Variants in PRICKLE1 observed in about 807,000 individuals in gnomAD.
PRICKLE1 encodes prickle-like protein 1.
Under a neutral mutation model 70.2 loss-of-function variants are expected in PRICKLE1, and 14 were observed. The observed-to-expected ratio is 0.20, with a 90% CI of 0.13 to 0.31. The LOEUF (loss-of-function observed/expected upper bound fraction) is 0.31, where lower values mean the gene tolerates loss of function less well. Ranked by LOEUF, PRICKLE1 falls within the 10% of genes least tolerant of loss-of-function variation. PRICKLE1 has a pLI of 1.00. For synonymous variants in PRICKLE1, 357 were observed against 379.9 expected, an observed-to-expected ratio of 0.94 and a Z score of 0.70; for missense variants, 821 against 1,026.2, an observed-to-expected ratio of 0.80 and a Z score of 2.73.
intron 1 of PRICKLE1, among the ~76,000 whole-genome samples, chr12:42,563,477 A>G (rs968986466): frequency 1.3e-5 from 2 of 151,754 alleles, no homozygotes; most frequent in Admixed American, 6.6e-5. Context: ...AGGCGGGCAG[A>G]CCACGAGATC....
At chr12:42,551,687 C>T (rs1334320802) in intron 1 of PRICKLE1, among the ~76,000 whole-genome samples, 1 of 152,178 alleles carries the variant, frequency 6.6e-6, no homozygotes, top group Non-Finnish European at 1.5e-5. Context: ...CTGGTTTCTT[C>T]TCCCTGTGTG....
intron 1 of PRICKLE1, among the ~76,000 whole-genome samples, chr12:42,542,084 C>T (rs1265083913): frequency 2.0e-5 from 3 of 152,058 alleles, no homozygotes; most frequent in Non-Finnish European, 4.4e-5. Context: ...GATGGCTTGC[C>T]CAGGAAATTT....
intron 1 of PRICKLE1, among the ~76,000 whole-genome samples, chr12:42,513,839 T>C (rs1032905044): frequency 3.9e-5 from 6 of 151,984 alleles, no homozygotes; most frequent in African/African-American, 7.2e-5. Flanking sequence ...CTACTAAAAA[T>C]ACAAAAAATT....
In PRICKLE1 at chr12:42,464,382, C is replaced by T. The variant is rs532348809; in HGVS notation, c.1639+13G>A. 6.2e-7 allele frequency: 1 copy of T among 1,614,094 alleles called. No individual in the cohort carries two copies. Among genetic ancestry groups the T allele is most frequent in the South Asian group, 1.1e-5 (1 of 91,054 alleles). On this transcript the variant is annotated intron_variant, in intron 7 of 7. Coordinates refer to ENST00000345127, the MANE Select transcript of PRICKLE1 (RefSeq NM_153026.3). The surrounding 1 kb of genome is among the most constrained non-coding windows in gnomAD (Gnocchi z 4.2). ...CCTTTTTTCAAATACCCCATAATCC[C>T]TAGATTACGTACCTGTGATATTGGA...
intron 1 of PRICKLE1, among the ~76,000 whole-genome samples, chr12:42,514,830 T>C (rs1171192074): frequency 2.0e-5 from 3 of 152,160 alleles, no homozygotes; most frequent in Non-Finnish European, 4.4e-5. Context: ...TTAGTATTTA[T>C]CTCCATTTCT....
chr12:42,462,893 T>G (rs191383366), intron 7 of PRICKLE1, among the ~76,000 whole-genome samples: 423 of 152,364 alleles, frequency 2.8e-3, no homozygotes, highest in Non-Finnish European at 5.4e-3. Flanking sequence ...TTAGAACCTA[T>G]GTAATGTTTG....
At chr12:42,553,100 CT>C (rs1940349270) in intron 1 of PRICKLE1, among the ~76,000 whole-genome samples, 1 of 152,088 alleles carries the variant, frequency 6.6e-6, no homozygotes, top group African/African-American at 2.4e-5. Context: ...GTGGGGACCC[CT>C]GTCTTAGAAT....
intron 1 of PRICKLE1, chr12:42,484,011 T>C (rs1938913588): frequency 4.8e-5 from 1 of 20,862 alleles, no homozygotes. Context: ...GAGCCCGCAG[T>C]AAAAAAAAAA....
chr12:42,544,828 T>C (rs1940178194), intron 1 of PRICKLE1, among the ~76,000 whole-genome samples: 2 of 152,204 alleles, frequency 1.3e-5, no homozygotes. Context: ...CTTCTGAGAT[T>C]TACCTCTACA....
At chr12:42,479,601 G>A (rs886980118) in intron 1 of PRICKLE1, among the ~76,000 whole-genome samples, 2 of 152,142 alleles carry the variant, frequency 1.3e-5, no homozygotes, top group African/African-American at 2.4e-5. Flanking sequence ...GTTATTGAAC[G>A]GTTCTGGGGA....
chr12:42,521,159 G>A (rs923648132), intron 1 of PRICKLE1, among the ~76,000 whole-genome samples: 3 of 151,948 alleles, frequency 2.0e-5, no homozygotes, highest in Non-Finnish European at 4.4e-5. Context: ...CTGGGTGATA[G>A]CACAAGACCC....
chr12:42,533,069 T>C (rs541725518), intron 1 of PRICKLE1, among the ~76,000 whole-genome samples: 3 of 152,212 alleles, frequency 2.0e-5, no homozygotes, highest in East Asian at 3.9e-4. Context: ...TAATGAGATA[T>C]TAAAATTTAA....
At chr12:42,587,419 A>C (rs1177141260) in intron 1 of PRICKLE1, among the ~76,000 whole-genome samples, 4 of 152,152 alleles carry the variant, frequency 2.6e-5, no homozygotes, top group African/African-American at 7.2e-5. Context: ...ATGACTTATT[A>C]AACTTGGAGA....
At position 42,466,222 on chromosome 12, in the gene PRICKLE1, C is replaced by G. The variant is rs1187409481; in HGVS notation, c.747G>C (p.Glu249Asp). The G allele has an allele frequency of 2.5e-6, 4 of 1,614,054 alleles. No homozygotes were observed. In the African/African-American group the frequency reaches 5.3e-5, roughly 22 times the overall value. The change falls in exon 6 of 8, where the codon GAG becomes GAC. Residue 249 changes from glutamate (E) to aspartate (D), a missense_variant. Transcript: ENST00000345127. ...TATGTTCCCCACAGGTTTCACAGTA[C>G]TCCGCATAGAGAGACTCAAAACAGC... ...CCGCFESLYA[E>D]YCETCGEHIG...
At chr12:42,577,124 GTT>G (rs1377559953) in intron 1 of PRICKLE1, among the ~76,000 whole-genome samples, 2 of 152,164 alleles carry the variant, frequency 1.3e-5, no homozygotes, top group Non-Finnish European at 2.9e-5. Flanking sequence ...TTTAAACACA[GTT>G]TTAATCACTG....
chr12:42,516,655 A>T (rs1939617039), intron 1 of PRICKLE1, among the ~76,000 whole-genome samples: 1 of 152,142 alleles, frequency 6.6e-6, no homozygotes, highest in African/African-American at 2.4e-5. Flanking sequence ...TGAGATACTA[A>T]AAAGCTACTG....
intron 1 of PRICKLE1, among the ~76,000 whole-genome samples, chr12:42,578,483 C>T (rs903723566): frequency 7.9e-5 from 12 of 152,044 alleles, no homozygotes; most frequent in Non-Finnish European, 1.8e-4. Flanking sequence ...ATATAGCATC[C>T]CTTTGCTAGA....
At chr12:42,512,824 AT>A (rs1939539385) in intron 1 of PRICKLE1, among the ~76,000 whole-genome samples, 1 of 151,846 alleles carries the variant, frequency 6.6e-6, no homozygotes, top group South Asian at 2.1e-4. Context: ...CGTTCGGCTG[AT>A]TTTGGCCCTA....
chr12:42,532,658 G>A (rs1351942437), intron 1 of PRICKLE1, among the ~76,000 whole-genome samples: 1 of 152,192 alleles, frequency 6.6e-6, no homozygotes, highest in Non-Finnish European at 1.5e-5. Flanking sequence ...AGCACTTTGG[G>A]AGGCTGAGGC....
Sources: allele counts gnomAD v4.1 joint callset (sites outside exome capture counted in the v4.1 genomes callset), GRCh38; gene constraint gnomAD v4.1.1; non-coding constraint Gnocchi (gnomAD v3.1); transcripts MANE v1.5; gene names NCBI Gene and HGNC (gene_info 2026-07-23, HGNC 2026-07-21).